POU6F2: variants seen among roughly 807,000 people sequenced by gnomAD.
POU6F2 encodes the protein POU class 6 homeobox 2.
A neutral mutation model predicts 71.3 loss-of-function variants in POU6F2; 31 were observed. The observed-to-expected ratio is 0.43, with a 90% CI of 0.33 to 0.59. The LOEUF is 0.59. Among genes scored for constraint, POU6F2 ranks in the 20% least tolerant of loss-of-function variants. The pLI is 0.04. For missense variants in POU6F2, 783 were observed against 856.8 expected (o/e 0.91, Z 1.07); for synonymous variants, 347 against 355.7 (o/e 0.98, Z 0.27).
intron 2 of POU6F2, 35 bp from the exon 3 acceptor site, chr7:39,204,200 A>T (rs1562745291): frequency 1.5e-5 from 23 of 1,562,620 alleles, no homozygotes; most frequent in Non-Finnish European, 1.8e-5. Flanking sequence ...AAGCTGGATC[A>T]TATATTAAGG....
intron 1 of POU6F2, among the ~76,000 whole-genome samples, chr7:39,082,599 A>G (rs1489859333): frequency 8.5e-5 from 13 of 152,216 alleles, no homozygotes; most frequent in East Asian, 1.9e-4. Flanking sequence ...ACAGACTGCT[A>G]TGGCTCTTGG....
At chr7:39,275,457 G>A (rs1361844757) in intron 4 of POU6F2, among the ~76,000 whole-genome samples, 45 of 152,258 alleles carry the variant, frequency 3.0e-4, no homozygotes, top group East Asian at 1.9e-4. Flanking sequence ...AATCAATATC[G>A]TGAAAATGGC....
At chr7:39,402,483 A>G (rs1787327656) in intron 5 of POU6F2, among the ~76,000 whole-genome samples, 1 of 152,050 alleles carries the variant, frequency 6.6e-6, no homozygotes, top group Non-Finnish European at 1.5e-5. Flanking sequence ...CATTCACAAT[A>G]TTTTGACATG....
chr7:39,165,843 A>G (rs1793103055), intron 2 of POU6F2, among the ~76,000 whole-genome samples: 2 of 152,230 alleles, frequency 1.3e-5, no homozygotes, highest in African/African-American at 4.8e-5. Flanking sequence ...ATACAATACA[A>G]ATTAGGAACT....
intron 2 of POU6F2, among the ~76,000 whole-genome samples, chr7:39,088,447 T>A (rs1791300464): frequency 6.6e-6 from 1 of 152,310 alleles, no homozygotes; most frequent in Non-Finnish European, 1.5e-5. Context: ...AACTATGATT[T>A]TCTTTGATAT....
Position 39,126,123 on chromosome 7 carries a change from C to T in POU6F2, c.277+40092C>T, listed in dbSNP as rs546367951. Among the ~76,000 whole-genome samples the T allele has an allele frequency of 3.9e-5, 6 of 152,320 alleles. No individual in the cohort carries two copies. The East Asian group carries it at 9.6e-4, about 24-fold the overall frequency. ...GTCTTGCTCATTATCAGCTCTTACA[C>T]GAGACAGCAAGGACAGATGTCTTTA... On this transcript the variant is annotated intron_variant, in intron 2 of 9. Transcript: ENST00000518318.
chr7:39,075,234 T>A (rs527592998), intron 1 of POU6F2, among the ~76,000 whole-genome samples: 63 of 152,276 alleles, frequency 4.1e-4, no homozygotes, highest in African/African-American at 1.4e-3. Flanking sequence ...ACACATTCCC[T>A]GGTGTTGAAG....
At chr7:39,408,344 A>C (rs1162347270) in intron 6 of POU6F2, among the ~76,000 whole-genome samples, 1 of 152,240 alleles carries the variant, frequency 6.6e-6, no homozygotes, top group East Asian at 1.9e-4. Flanking sequence ...CTTGTGATGC[A>C]GAAAATCCAT....
chr7:39,285,632 A>C (rs1188509457), intron 4 of POU6F2, among the ~76,000 whole-genome samples: 1 of 152,250 alleles, frequency 6.6e-6, no homozygotes. Flanking sequence ...GGTAAGGACC[A>C]AAAACCTTAT....
At chr7:39,018,494 C>T (rs2128706084) in intron 1 of POU6F2, among the ~76,000 whole-genome samples, 1 of 151,866 alleles carries the variant, frequency 6.6e-6, no homozygotes, top group African/African-American at 2.4e-5. Flanking sequence ...TATTAATCAG[C>T]TTAATAGTCT....
chr7:39,290,114 C>T (rs1348869482), intron 4 of POU6F2, among the ~76,000 whole-genome samples: 1 of 152,172 alleles, frequency 6.6e-6, no homozygotes, highest in Admixed American at 6.5e-5. Flanking sequence ...GTGTTTATGT[C>T]AGCACCTTTC....
intron 1 of POU6F2, among the ~76,000 whole-genome samples, chr7:39,014,132 A>G (rs1376468371): frequency 6.6e-6 from 1 of 152,234 alleles, no homozygotes; most frequent in Non-Finnish European, 1.5e-5. Flanking sequence ...GGCTAGGAGA[A>G]GCGACTCATT....
At chr7:39,097,611 C>G (rs1791481524) in intron 2 of POU6F2, among the ~76,000 whole-genome samples, 1 of 152,266 alleles carries the variant, frequency 6.6e-6, no homozygotes, top group South Asian at 2.1e-4. Context: ...TTTTTCTATT[C>G]AATACAGTTT....
At chr7:39,169,007 G>A (rs1793165526) in intron 2 of POU6F2, among the ~76,000 whole-genome samples, 1 of 152,164 alleles carries the variant, frequency 6.6e-6, no homozygotes, top group African/African-American at 2.4e-5. Context: ...GATGGATGGT[G>A]GGATGCCCTA....
At chr7:39,333,524 G>A (rs986384290) in intron 4 of POU6F2, among the ~76,000 whole-genome samples, 8 of 152,052 alleles carry the variant, frequency 5.3e-5, no homozygotes, top group African/African-American at 1.9e-4. Flanking sequence ...AGATCACGAG[G>A]TCAGGAGACC....
intron 5 of POU6F2, among the ~76,000 whole-genome samples, chr7:39,353,343 C>A (rs1436261076): frequency 1.3e-5 from 2 of 152,202 alleles, no homozygotes; most frequent in Non-Finnish European, 2.9e-5. Flanking sequence ...GTCCTGCCAA[C>A]CCCCACCCAA....
intron 1 of POU6F2, among the ~76,000 whole-genome samples, chr7:39,002,941 G>T (rs1318206286): frequency 6.6e-6 from 1 of 152,170 alleles, no homozygotes; most frequent in East Asian, 1.9e-4. Context: ...TTTAAAATTT[G>T]CTGAGTTGCT....
At chr7:39,298,397 A>G (rs1472625782) in intron 4 of POU6F2, among the ~76,000 whole-genome samples, 1 of 152,252 alleles carries the variant, frequency 6.6e-6, no homozygotes, top group South Asian at 2.1e-4. Flanking sequence ...CGTGGCCAAC[A>G]AACATGAAAA....
At chr7:39,203,343 T>C (rs531703548) in intron 2 of POU6F2, among the ~76,000 whole-genome samples, 4 of 152,346 alleles carry the variant, frequency 2.6e-5, no homozygotes, top group Admixed American at 2.6e-4. Flanking sequence ...TGCTTGGAAT[T>C]GGATTTCAAC....
Sources: allele counts gnomAD v4.1 joint callset (sites outside exome capture counted in the v4.1 genomes callset), GRCh38; gene constraint gnomAD v4.1.1; transcripts MANE v1.5; gene names NCBI Gene and HGNC (gene_info 2026-07-23, HGNC 2026-07-21).